Variants in PRKAB2 observed in about 807,000 individuals in gnomAD.
PRKAB2 encodes protein kinase AMP-activated non-catalytic subunit beta 2.
A neutral mutation model predicts 29.8 loss-of-function variants in PRKAB2; 18 were observed. That is an observed-to-expected ratio of 0.60 (90% confidence interval 0.42 to 0.89). The LOEUF (loss-of-function observed/expected upper bound fraction) is 0.89. PRKAB2 is among the 40% of genes least tolerant of loss of function. The probability of loss-of-function intolerance (pLI) is 0.00; values close to 1 mark genes in which losing one functional copy is unlikely to be tolerated. For missense variants in PRKAB2, 270 were observed against 344.3 expected, an observed-to-expected ratio of 0.78 and a Z score of 1.71; for synonymous variants, 136 against 125.9, an observed-to-expected ratio of 1.08 and a Z score of -0.54.
intron 5 of PRKAB2, among the ~76,000 whole-genome samples, chr1:147,164,191 G>A (rs6679641): frequency 0.19 from 29,372 of 151,882 alleles, 3,522 homozygotes; most frequent in East Asian, 0.58. Flanking sequence ...CTCCCACTTC[G>A]GCCTCCCAAA....
At position 147,162,485 on chromosome 1, in the gene PRKAB2, A is replaced by G. The variant is rs371651484; in HGVS notation, c.627T>C (p.Pro209=). 8.1e-6 allele frequency: 13 copies of G among 1,612,148 alleles called. No individual in the cohort carries two copies. The African/African-American group carries it at 1.7e-4, about 22-fold the overall frequency. Residue 209 remains proline, a synonymous_variant, in exon 6 of 8, where the codon CCT becomes CCC. Coordinates refer to ENST00000254101, the MANE Select transcript of PRKAB2 (RefSeq NM_005399.5). The part of the protein sequence containing the change: ...EERFKSPPIL[P]PHLLQVILNK... ...TAAGAATAACTTGAAGTAGATGAGG[A>G]GGAAGGATGGGTGGGGATTTGAATC...
Position 147,161,790 on chromosome 1 carries a change from A to T in PRKAB2, c.673-10T>A. The T allele has an allele frequency of 6.3e-7, 1 of 1,591,430 alleles. No homozygotes were observed. Among genetic ancestry groups the T allele is most frequent in the South Asian group, 1.1e-5 (1 of 87,032 alleles). On this transcript the variant is annotated splice_polypyrimidine_tract_variant and intron_variant, in intron 6 of 7. Transcript: ENST00000254101. Reference sequence around the variant, plus strand: ...GTAAGGCTGGGTCACACTAAGAGAAAGAGAAAAAAATTACTAAAAAAATTA... The same window carrying T: ...GTAAGGCTGGGTCACACTAAGAGAATGAGAAAAAAATTACTAAAAAAATTA...
intron 7 of PRKAB2, 45 bp downstream of exon 7, chr1:147,161,667 C>G (rs200659993): frequency 6.6e-7 from 1 of 1,505,118 alleles, no homozygotes; most frequent in African/African-American, 1.4e-5. Context: ...TACCCTTGAC[C>G]TCTCATTCCA....
chr1:147,172,154 T>C lies in PRKAB2; in HGVS notation c.-10A>G. ...TGGTGGTGTTTCCCATGGCTGCAGC[T>C]CGTCGGGGACCACCTACCGCGGGGA... On this transcript the variant is annotated 5_prime_UTR_variant, in exon 2 of 8. Coordinates refer to ENST00000254101, the MANE Select transcript of PRKAB2 (RefSeq NM_005399.5). 1 of 1,543,004 alleles carries C rather than the reference T, an allele frequency of 6.5e-7. No individual in the cohort carries two copies. The highest frequency in any genetic ancestry group is 8.7e-7 in the Non-Finnish European group (1 of 1,144,046).
At chr1:147,166,418 T>G (rs1654254016) in intron 5 of PRKAB2, 80 bp downstream of exon 5, 2 of 1,447,058 alleles carry the variant, frequency 1.4e-6, no homozygotes, top group African/African-American at 2.9e-5. Context: ...TCCCTCTATA[T>G]GTATATACAC....
intron 2 of PRKAB2, 102 bp from the exon 3 acceptor site, chr1:147,168,035 A>T (rs1485296341): frequency 1.5e-6 from 2 of 1,294,842 alleles, no homozygotes; most frequent in African/African-American, 3.0e-5. Context: ...GGCTTTGGCT[A>T]AGGATATAAA....
intron 3 of PRKAB2, among the ~76,000 whole-genome samples, 191 bp from the exon 4 acceptor site, chr1:147,167,130 C>A (rs1399019796): frequency 6.6e-6 from 1 of 152,138 alleles, no homozygotes; most frequent in African/African-American, 2.4e-5. Flanking sequence ...TTTACCAGCT[C>A]CTCCCAACAA....
intron 3 of PRKAB2, 97 bp from the exon 4 acceptor site, chr1:147,167,036 C>T: frequency 2.0e-6 from 2 of 1,013,354 alleles, no homozygotes; most frequent in South Asian, 2.9e-5. Flanking sequence ...GAATAATTTC[C>T]CAGATTCCTA....
chr1:147,165,825 T>A (rs1654217184), intron 5 of PRKAB2, among the ~76,000 whole-genome samples: 1 of 152,118 alleles, frequency 6.6e-6, no homozygotes. Context: ...TGAGGCAGTA[T>A]CTCACTCTGC....
Position 147,155,957 on chromosome 1 carries a change from T to C in PRKAB2, c.*3608A>G, listed in dbSNP as rs1181357433. The C allele has an allele frequency of 6.6e-6, 1 of 152,146 alleles. No homozygotes were observed. The highest frequency in any genetic ancestry group is 1.5e-5 in the Non-Finnish European group (1 of 68,002). The allele number at this position is 152,146 out of a possible 1,614,324, so 9.4% of individuals were successfully genotyped here. On this transcript the variant is annotated 3_prime_UTR_variant, in exon 8 of 8. Transcript: ENST00000254101. ...GGTTCATTGCAGAAATCACAGTCCT[T>C]CCATATCCAATTGTGATTGGCACTT...
intron 7 of PRKAB2, among the ~76,000 whole-genome samples, chr1:147,161,482 G>A (rs1653957409): frequency 6.6e-6 from 1 of 151,972 alleles, no homozygotes; most frequent in Admixed American, 6.6e-5. Context: ...AAAAATAACT[G>A]GGCAGCAAAA....
chr1:147,157,163 T>G lies in PRKAB2; in HGVS notation c.*2402A>C, dbSNP rs1837984. 80,949 of 151,994 alleles carry G rather than the reference T, an allele frequency of 0.53. 23,128 individuals are homozygous for G. Among genetic ancestry groups the G allele is most frequent in the East Asian group, 0.86 (4,447 of 5,176 alleles). The allele number at this position is 151,994 out of a possible 1,614,324, so 9.4% of individuals were successfully genotyped here. A position where few individuals can be genotyped will look rare whatever the true frequency, so the allele number is the denominator to read the frequency against. Reference sequence around the variant, plus strand: ...ATCCCTTTAACTAATCAATATACAATGATAAATGAGTAGTACTTTGGGTTA... The same window carrying G: ...ATCCCTTTAACTAATCAATATACAAGGATAAATGAGTAGTACTTTGGGTTA... On this transcript the variant is annotated 3_prime_UTR_variant, in exon 8 of 8. Coordinates refer to ENST00000254101, the MANE Select transcript of PRKAB2 (RefSeq NM_005399.5).
In PRKAB2 at chr1:147,166,616, A is replaced by G; in HGVS notation, c.420T>C (p.Pro140=). The G allele has an allele frequency of 6.2e-7, 1 of 1,610,916 alleles. No individual in the cohort carries two copies. Among genetic ancestry groups the G allele is most frequent in the Non-Finnish European group, 8.5e-7 (1 of 1,179,126 alleles). ...TTGTGCCAAGCTGACTGGTAACCACAGGCTGAAACAGTGAATAGAAAAAAT... is the reference window on the plus strand; with the variant it reads ...TTGTGCCAAGCTGACTGGTAACCACGGGCTGAAACAGTGAATAGAAAAAAT... ...DGQWVHDPSE[P]VVTSQLGTIN... is the part of the protein sequence containing the mutation. Residue 140 remains proline (P), a splice_region_variant and synonymous_variant, in exon 5 of 8, where the codon CCT becomes CCC. Transcript: ENST00000254101.
chr1:147,168,292 C>T (rs1349129420), intron 2 of PRKAB2, among the ~76,000 whole-genome samples: 1 of 151,348 alleles, frequency 6.6e-6, no homozygotes, highest in Non-Finnish European at 1.5e-5. Context: ...AGTCTTTCTT[C>T]AGAGGAAAAA....
chr1:147,172,206 C>T, intron 1 of PRKAB2, 39 bp from the exon 2 acceptor site: 2 of 1,473,622 alleles, frequency 1.4e-6, no homozygotes, highest in African/African-American at 1.4e-5. Flanking sequence ...AACACCTCAG[C>T]CGCCGCGTCA....
In PRKAB2 at chr1:147,155,834, T is replaced by C. The variant is rs1653645517; in HGVS notation, c.*3731A>G. On this transcript the variant is annotated 3_prime_UTR_variant, in exon 8 of 8. Transcript: ENST00000254101. Reference sequence around the variant, plus strand: ...AAACTAGAATCCTAGAGCGATTCCATTGCTAAGAATTGGACTCTACAAGTA... The same window carrying C: ...AAACTAGAATCCTAGAGCGATTCCACTGCTAAGAATTGGACTCTACAAGTA... 6.6e-6 allele frequency: 1 copy of C among 152,556 alleles called. No homozygotes were observed. The highest frequency in any genetic ancestry group is 2.4e-5 in the African/African-American group (1 of 41,448). 9.5% of individuals were successfully genotyped at this position (152,556 alleles called of 1,614,324 possible).
chr1:147,163,567 T>C (rs781972053), intron 5 of PRKAB2, among the ~76,000 whole-genome samples: 2 of 145,260 alleles, frequency 1.4e-5, no homozygotes, highest in African/African-American at 2.4e-5. Context: ...CTGAAAACAT[T>C]ATGCTAAGTG....
At chr1:147,168,015 A>G in intron 2 of PRKAB2, 82 bp from the exon 3 acceptor site, 2 of 1,447,282 alleles carry the variant, frequency 1.4e-6, no homozygotes, top group Non-Finnish European at 1.9e-6. Context: ...TAGGATAGAG[A>G]AGGGTGCTAG....
Position 147,158,868 on chromosome 1 carries a change from CCTT to C in PRKAB2, c.*694_*696del, listed in dbSNP as rs587766954. 59 of 152,298 alleles carry C rather than the reference CCTT, an allele frequency of 3.9e-4. No homozygotes were observed. Among genetic ancestry groups the C allele is most frequent in the African/African-American group, 1.4e-3 (59 of 41,560 alleles). The allele number at this position is 152,298 out of a possible 1,614,324, so 9.4% of individuals were successfully genotyped here. ...GGCCTGTGCTGGGCTAAAAAGGAGA[CCTT>C]CTGATAGCCCTAGTGTCTGGGGTGG... On this transcript the variant is annotated 3_prime_UTR_variant, in exon 8 of 8. Transcript: ENST00000254101.
Sources: gnomAD v4.1 joint callset for allele counts (sites outside exome capture counted in the v4.1 genomes callset) on GRCh38, gnomAD v4.1.1 for gene constraint, MANE v1.5 for transcripts, NCBI Gene and HGNC (gene_info 2026-07-23, HGNC 2026-07-21) for gene names.